The following RIMKLB variants were observed in gnomAD, a reference collection of about 807,000 sequenced individuals.
The protein encoded by RIMKLB is ribosomal modification protein rimK like family member B, also known as beta-citrylglutamate synthase B.
RIMKLB carries 7 observed loss-of-function variants against 32.0 expected under a neutral mutation model. The ratio of observed to expected loss-of-function variants is 0.22; its 90% CI spans 0.12 to 0.41. RIMKLB has a LOEUF of 0.41. Ranked by LOEUF, RIMKLB falls within the 10% of genes least tolerant of loss-of-function variation. The pLI is 1.00. For missense variants in RIMKLB, 289 were observed against 498.7 expected (o/e 0.58, Z 4.00); for synonymous variants, 172 against 185.1 (o/e 0.93, Z 0.57).
intron 2 of RIMKLB, among the ~76,000 whole-genome samples, chr12:8,721,964 A>G (rs954817761): frequency 1.8e-4 from 28 of 151,964 alleles, no homozygotes; most frequent in African/African-American, 6.8e-4. Flanking sequence ...GGTTGGTCTC[A>G]AACTCCTGAC....
At chr12:8,678,467 A>G (rs1942357779), upstream of RIMKLB, among the ~76,000 whole-genome samples, 1 of 151,844 alleles carries the variant, frequency 6.6e-6, no homozygotes. Context: ...AGTAGCTGGC[A>G]TTACAGGCAT....
At chr12:8,685,968 C>T (rs1054531849) in intron 1 of RIMKLB, among the ~76,000 whole-genome samples, 6 of 152,098 alleles carry the variant, frequency 3.9e-5, no homozygotes, top group Admixed American at 2.6e-4. Flanking sequence ...CCACCACGCC[C>T]GGCTAATTTT....
At chr12:8,766,249 T>A (rs943569213) in intron 5 of RIMKLB, among the ~76,000 whole-genome samples, 2 of 152,164 alleles carry the variant, frequency 1.3e-5, no homozygotes, top group Non-Finnish European at 2.9e-5. Flanking sequence ...CTTATCGGAT[T>A]AGTTACGCTC....
chr12:8,707,812 T>C (rs1944029942), intron 1 of RIMKLB, among the ~76,000 whole-genome samples: 1 of 152,266 alleles, frequency 6.6e-6, no homozygotes, highest in East Asian at 1.9e-4. Context: ...GTATATATTT[T>C]GTAATATCAC....
downstream of RIMKLB, among the ~76,000 whole-genome samples, chr12:8,778,344 G>A (rs917714714): frequency 6.6e-6 from 1 of 152,180 alleles, no homozygotes; most frequent in African/African-American, 2.4e-5. Context: ...AAAGGGAATA[G>A]TAAGACGAAG....
intron 2 of RIMKLB, among the ~76,000 whole-genome samples, chr12:8,735,951 A>G (rs957518277): frequency 2.0e-5 from 3 of 151,992 alleles, no homozygotes; most frequent in African/African-American, 7.2e-5. Context: ...GCTGGTCTCA[A>G]ACTCCCGACC....
At chr12:8,725,870 C>G (rs180754094) in intron 2 of RIMKLB, among the ~76,000 whole-genome samples, 114 of 152,006 alleles carry the variant, frequency 7.5e-4, no homozygotes, top group Non-Finnish European at 1.5e-3. Context: ...TTTTTTGAGA[C>G]AAGGTCTCAC....
intron 2 of RIMKLB, among the ~76,000 whole-genome samples, chr12:8,730,650 C>G (rs1352646460): frequency 1.3e-5 from 2 of 152,220 alleles, no homozygotes; most frequent in African/African-American, 4.8e-5. Context: ...CTAAAGTCTT[C>G]TAGATCAAGA....
chr12:8,719,890 C>T (rs1945266166), intron 2 of RIMKLB, among the ~76,000 whole-genome samples: 1 of 152,138 alleles, frequency 6.6e-6, no homozygotes, highest in African/African-American at 2.4e-5. Context: ...TTGTCAACTC[C>T]TGAGGTTCTT....
intron 2 of RIMKLB, chr12:8,742,542 G>GT (rs1947656207): frequency 2.7e-6 from 1 of 364,544 alleles, no homozygotes; most frequent in Admixed American, 3.4e-5. Flanking sequence ...GATGGAATAT[G>GT]TATCTATAAA....
At position 8,735,129 on chromosome 12, in the gene RIMKLB, G is replaced by A. The variant is rs374291863; in HGVS notation, c.176-14733G>A. On this transcript the variant is annotated intron_variant, in intron 2 of 5. Transcript: ENST00000535829. ...GTTTGTAGGTCAAATCAAAAATTTTGTTTTCCTTGGTCAGAGAGCTGCAGA... is the reference window on the plus strand; with the variant it reads ...GTTTGTAGGTCAAATCAAAAATTTTATTTTCCTTGGTCAGAGAGCTGCAGA... 7.9e-5 allele frequency among the ~76,000 whole-genome samples: 12 copies of A among 152,226 alleles called. No individual in the cohort carries two copies. In the East Asian group the frequency reaches 9.6e-4, roughly 12 times the overall value.
chr12:8,746,673 C>T (rs1319626008), intron 2 of RIMKLB, among the ~76,000 whole-genome samples: 5 of 151,892 alleles, frequency 3.3e-5, no homozygotes, highest in Non-Finnish European at 7.4e-5. Flanking sequence ...GTGTTAGCCA[C>T]AGGCAAACCT....
intron 1 of RIMKLB, among the ~76,000 whole-genome samples, chr12:8,684,870 A>G (rs1473168692): frequency 6.6e-6 from 1 of 152,000 alleles, no homozygotes; most frequent in Admixed American, 6.6e-5. Flanking sequence ...CAGTCTGCTC[A>G]CCTCGGCCTT....
intron 2 of RIMKLB, among the ~76,000 whole-genome samples, chr12:8,741,062 C>T (rs1055673716): frequency 7.2e-5 from 11 of 152,012 alleles, no homozygotes; most frequent in African/African-American, 2.2e-4. Context: ...CAAAAATTAG[C>T]TGGGTGTGGT....
rs748065739 is a variant in RIMKLB at position 8,684,651 on chromosome 12, G to A, written n.219+2833G>A. On this transcript the variant is annotated intron_variant and non_coding_transcript_variant, in intron 1 of 1. Transcript: ENST00000538758. Reference sequence around the variant, plus strand: ...TCCAGCACTTTTATTTTTTGAGACAGAGTCTCACCCTGTTGCCCAGGCTGG... The same window carrying A: ...TCCAGCACTTTTATTTTTTGAGACAAAGTCTCACCCTGTTGCCCAGGCTGG... Among the ~76,000 whole-genome samples the A allele has an allele frequency of 3.9e-5, 6 of 152,096 alleles. No homozygotes were observed. The East Asian group carries it at 9.7e-4, about 25-fold the overall frequency.
At chr12:8,746,774 T>G (rs761160054) in intron 2 of RIMKLB, among the ~76,000 whole-genome samples, 1 of 152,160 alleles carries the variant, frequency 6.6e-6, no homozygotes, top group South Asian at 2.1e-4. Context: ...TTTTTTCCCT[T>G]TTAGGGTCAG....
At position 8,726,317 on chromosome 12, in the gene RIMKLB, G is replaced by A. The variant is rs149302365; in HGVS notation, c.175+12276G>A. ...AAGACATGACATGAAGCACTTTTTC[G>A]TATACTTATTTGCCATCTGTATATC... On this transcript the variant is annotated intron_variant, in intron 2 of 5. Coordinates refer to ENST00000535829, the MANE Select transcript of RIMKLB (RefSeq NM_001297776.2). Among the ~76,000 whole-genome samples, 29 of 152,254 alleles carry A rather than the reference G, an allele frequency of 1.9e-4. No individual in the cohort carries two copies. In the East Asian group the frequency reaches 2.1e-3, roughly 11 times the overall value.
upstream of RIMKLB, among the ~76,000 whole-genome samples, chr12:8,693,126 G>C (rs1280583375): frequency 6.6e-6 from 1 of 152,130 alleles, no homozygotes; most frequent in South Asian, 2.1e-4. Context: ...GATGTGTATA[G>C]GGCACTTAAA....
intron 5 of RIMKLB, among the ~76,000 whole-genome samples, chr12:8,760,864 G>A (rs1309749596): frequency 6.6e-6 from 1 of 151,660 alleles, no homozygotes; most frequent in Non-Finnish European, 1.5e-5. Flanking sequence ...TGAGTAGATT[G>A]CAAAAATTTT....
Sources: gnomAD v4.1 joint callset for allele counts (sites outside exome capture counted in the v4.1 genomes callset) on GRCh38, gnomAD v4.1.1 for gene constraint, MANE v1.5 for transcripts, NCBI Gene and HGNC (gene_info 2026-07-23, HGNC 2026-07-21) for gene names.